Variants in PCDH7 observed in about 807,000 individuals in gnomAD.
The protein encoded by PCDH7 is protocadherin 7, also known as protocadherin-7.
PCDH7 carries 17 observed loss-of-function variants against 58.9 expected under a neutral mutation model. That is an observed-to-expected ratio of 0.29 (90% confidence interval 0.20 to 0.43). The LOEUF is 0.43. Among genes scored for constraint, PCDH7 ranks in the 20% least tolerant of loss-of-function variants. The pLI, the probability that PCDH7 is intolerant of heterozygous loss-of-function variation, is 1.00. For synonymous variants in PCDH7, 664 were observed against 616.4 expected, an observed-to-expected ratio of 1.08 and a Z score of -1.14; for missense variants, 1,274 against 1,441.0, an observed-to-expected ratio of 0.88 and a Z score of 1.88.
At position 30,723,960 on chromosome 4, in the gene PCDH7, A is replaced by C; in HGVS notation, c.2538A>C (p.Ala846=). ...TTGTCAATGAAAGTGTTTCTAATGC[A>C]ACTGCGATTGACTCCCAGATAGCTA... Residue 846 remains alanine, a synonymous_variant, in exon 1 of 2, where the codon GCA becomes GCC. Coordinates refer to ENST00000361762, the Ensembl canonical transcript of PCDH7. This position sits in a 1 kb window ranked among gnomAD's most constrained non-coding sequence, Gnocchi z 4.6. 6.2e-7 allele frequency: 1 copy of C among 1,614,168 alleles called. No individual in the cohort carries two copies. Among genetic ancestry groups the C allele is most frequent in the Non-Finnish European group, 8.5e-7 (1 of 1,180,042 alleles).
At chr4:30,913,707 TAGAAC>T (rs1237875016) in intron 1 of PCDH7, among the ~76,000 whole-genome samples, 2 of 152,182 alleles carry the variant, frequency 1.3e-5, no homozygotes, top group Admixed American at 1.3e-4. Flanking sequence ...ATAATATCAT[TAGAAC>T]AGAAGCCTTC....
At chr4:30,893,225 A>G (rs1231322270) in intron 1 of PCDH7, among the ~76,000 whole-genome samples, 1 of 152,098 alleles carries the variant, frequency 6.6e-6, no homozygotes, top group Non-Finnish European at 1.5e-5. Flanking sequence ...CAGACAATAT[A>G]TTTCTTTAAC....
At chr4:30,873,276 A>T (rs1473198622) in intron 1 of PCDH7, among the ~76,000 whole-genome samples, 1 of 152,088 alleles carries the variant, frequency 6.6e-6, no homozygotes, top group Non-Finnish European at 1.5e-5. Flanking sequence ...AATTGATTCA[A>T]TGAATACAAT....
At chr4:30,976,334 G>A (rs564030423) in intron 3 of PCDH7, among the ~76,000 whole-genome samples, 3 of 148,962 alleles carry the variant, frequency 2.0e-5, no homozygotes, top group Non-Finnish European at 4.4e-5. Flanking sequence ...CTGGTGATCC[G>A]CCCACCTCAG....
At chr4:30,728,661 A>G (rs879770591) in intron 1 of PCDH7, among the ~76,000 whole-genome samples, 1 of 151,860 alleles carries the variant, frequency 6.6e-6, no homozygotes, top group African/African-American at 2.4e-5. Flanking sequence ...AGTCCACATG[A>G]TTATTTGAAT....
At chr4:30,864,240 A>G (rs1734579426) in intron 1 of PCDH7, among the ~76,000 whole-genome samples, 1 of 152,064 alleles carries the variant, frequency 6.6e-6, no homozygotes, top group Admixed American at 6.6e-5. Context: ...AAACAGCACA[A>G]TAACATGTCT....
chr4:31,133,501 A>G (rs981910627), intron 3 of PCDH7, among the ~76,000 whole-genome samples: 3 of 152,210 alleles, frequency 2.0e-5, no homozygotes, highest in African/African-American at 7.2e-5. Flanking sequence ...TGTGGAATAT[A>G]TGCCCCTGTC....
At chr4:30,848,701 A>G (rs1174667884) in intron 1 of PCDH7, among the ~76,000 whole-genome samples, 1 of 152,164 alleles carries the variant, frequency 6.6e-6, no homozygotes, top group Non-Finnish European at 1.5e-5. Flanking sequence ...TTAAGACAGC[A>G]TAGTTAAGAA....
intron 1 of PCDH7, among the ~76,000 whole-genome samples, chr4:30,816,222 T>G (rs983868386): frequency 6.6e-6 from 1 of 152,192 alleles, no homozygotes; most frequent in Non-Finnish European, 1.5e-5. Context: ...TATTGTACTG[T>G]ACATATTTAA....
At chr4:31,105,168 T>G (rs1473325857) in intron 3 of PCDH7, among the ~76,000 whole-genome samples, 3 of 152,208 alleles carry the variant, frequency 2.0e-5, no homozygotes, top group African/African-American at 7.2e-5. Flanking sequence ...ACTGAATAAT[T>G]GTCATACTTC....
chr4:31,069,436 T>C (rs1436458456), intron 3 of PCDH7, among the ~76,000 whole-genome samples: 1 of 151,988 alleles, frequency 6.6e-6, no homozygotes, highest in Non-Finnish European at 1.5e-5. Context: ...CAGTGACAAT[T>C]TGAAGGATTT....
chr4:30,905,234 C>A (rs1431638023), intron 1 of PCDH7, among the ~76,000 whole-genome samples: 3 of 151,868 alleles, frequency 2.0e-5, no homozygotes, highest in Non-Finnish European at 4.4e-5. Context: ...GTTTTTTGTC[C>A]TTGTTTATTT....
chr4:31,028,164 A>T (rs761829180), intron 3 of PCDH7, among the ~76,000 whole-genome samples: 5 of 152,180 alleles, frequency 3.3e-5, no homozygotes, highest in African/African-American at 1.2e-4. Flanking sequence ...ATGTCCGCTG[A>T]CATAGCTATA....
intron 3 of PCDH7, among the ~76,000 whole-genome samples, chr4:30,980,681 AT>A (rs1750476159): frequency 1.3e-5 from 2 of 152,210 alleles, no homozygotes; most frequent in Non-Finnish European, 2.9e-5. Flanking sequence ...AAGGCCTCTA[AT>A]ATCTACATTT....
intron 1 of PCDH7, among the ~76,000 whole-genome samples, chr4:30,874,434 G>A (rs912627684): frequency 6.6e-6 from 1 of 151,406 alleles, no homozygotes; most frequent in Non-Finnish European, 1.5e-5. Context: ...GTAAACTATT[G>A]CAAGGACAAA....
At chr4:30,942,068 G>A (rs1746104767) in intron 2 of PCDH7, among the ~76,000 whole-genome samples, 1 of 151,806 alleles carries the variant, frequency 6.6e-6, no homozygotes, top group African/African-American at 2.4e-5. Flanking sequence ...GATGACATGA[G>A]TTTGGAGACC....
chr4:30,871,716 G>A (rs1302301270), intron 1 of PCDH7, among the ~76,000 whole-genome samples: 1 of 151,974 alleles, frequency 6.6e-6, no homozygotes, highest in Non-Finnish European at 1.5e-5. Context: ...TACAAAACGG[G>A]TGGCACAAAA....
intron 1 of PCDH7, among the ~76,000 whole-genome samples, chr4:30,887,555 A>T (rs1474102399): frequency 2.0e-5 from 3 of 152,206 alleles, no homozygotes; most frequent in East Asian, 3.9e-4. Flanking sequence ...AGAGAAGATA[A>T]TACTTGATAA....
At chr4:30,772,840 C>G (rs1211175998) in intron 1 of PCDH7, among the ~76,000 whole-genome samples, 1 of 152,186 alleles carries the variant, frequency 6.6e-6, no homozygotes, top group East Asian at 1.9e-4. Context: ...CATGTATTAT[C>G]TTGTTAATCC....
Sources: allele counts gnomAD v4.1 joint callset (sites outside exome capture counted in the v4.1 genomes callset), GRCh38; gene constraint gnomAD v4.1.1; non-coding constraint Gnocchi (gnomAD v3.1); transcripts MANE v1.5; gene names NCBI Gene and HGNC (gene_info 2026-07-23, HGNC 2026-07-21).